The following PCBP3 variants were observed in gnomAD, a reference collection of about 807,000 sequenced individuals.
PCBP3 encodes the protein poly(rC) binding protein 3, also known as poly(rC)-binding protein 3.
Under a neutral mutation model 52.7 loss-of-function variants are expected in PCBP3, and 25 were observed. The observed-to-expected ratio is 0.47, with a 90% CI of 0.35 to 0.66. PCBP3 has a LOEUF of 0.66. PCBP3 is among the 30% of genes least tolerant of loss of function. The pLI is 0.01. For synonymous variants in PCBP3, 162 were observed against 183.0 expected (o/e 0.89, Z 0.93); for missense variants, 391 against 490.3 (o/e 0.80, Z 1.91).
intron 13 of PCBP3, among the ~76,000 whole-genome samples, chr21:45,929,415 AG>A (rs2075886022): frequency 6.6e-6 from 1 of 152,200 alleles, no homozygotes; most frequent in African/African-American, 2.4e-5. Flanking sequence ...AAGGCCCTGC[AG>A]GGGAGGGGAG....
intron 9 of PCBP3, among the ~76,000 whole-genome samples, chr21:45,907,994 A>ATT (rs1240351873): frequency 2.0e-5 from 3 of 152,310 alleles, no homozygotes; most frequent in African/African-American, 7.2e-5. Flanking sequence ...CTATTTTTAA[A>ATT]TGAGAAGTTC....
intron 4 of PCBP3, among the ~76,000 whole-genome samples, chr21:45,767,244 A>G (rs900275763): frequency 6.6e-6 from 1 of 150,608 alleles, no homozygotes; most frequent in African/African-American, 2.4e-5. Context: ...CCTGGCAGCC[A>G]CTAGTCTAAT....
At chr21:45,812,657 G>T (rs894329244) in intron 4 of PCBP3, among the ~76,000 whole-genome samples, 2 of 152,210 alleles carry the variant, frequency 1.3e-5, no homozygotes, top group African/African-American at 4.8e-5. Flanking sequence ...CTCCCAAAGT[G>T]CTGGGATTAC....
At chr21:45,826,579 A>C (rs190589554) in intron 4 of PCBP3, among the ~76,000 whole-genome samples, 1 of 152,164 alleles carries the variant, frequency 6.6e-6, no homozygotes, top group Non-Finnish European at 1.5e-5. Context: ...CCCACCAGGC[A>C]TGACAAAGGT....
intron 3 of PCBP3, among the ~76,000 whole-genome samples, chr21:45,748,436 C>G (rs952651640): frequency 6.6e-6 from 1 of 152,222 alleles, no homozygotes; most frequent in Non-Finnish European, 1.5e-5. Context: ...GAGCACTGAG[C>G]TAGGCTGAGG....
rs983430090 is a variant in PCBP3 at position 45,805,974 on chromosome 21, G to T, written c.-125-43987G>T. On this transcript the variant is annotated intron_variant, in intron 4 of 17. Transcript: ENST00000681687. The surrounding 1 kb of genome is among the most constrained non-coding windows in gnomAD (Gnocchi z 4.6). Reference sequence around the variant, plus strand: ...GTTCCCATTGCATGAGAAGATGGAGGAGCCTCCTTGTGCTGCTGTGTCTCA... The same window carrying T: ...GTTCCCATTGCATGAGAAGATGGAGTAGCCTCCTTGTGCTGCTGTGTCTCA... Among the ~76,000 whole-genome samples the T allele has an allele frequency of 1.3e-5, 2 of 152,188 alleles. No homozygotes were observed. The highest frequency in any genetic ancestry group is 4.8e-5 in the African/African-American group (2 of 41,440).
In PCBP3 at chr21:45,817,312, T is replaced by C. The variant is rs1056032090; in HGVS notation, c.-125-32649T>C. On this transcript the variant is annotated intron_variant, in intron 4 of 17. Transcript: ENST00000681687. This position sits in a 1 kb window ranked among gnomAD's most constrained non-coding sequence, Gnocchi z 4.3. Reference sequence around the variant, plus strand: ...CTGAGTGAGGGGCCTCCACTGTGGCTGTGAGCAGTCCCCGCCTCGTGGTAC... The same window carrying C: ...CTGAGTGAGGGGCCTCCACTGTGGCCGTGAGCAGTCCCCGCCTCGTGGTAC... Among the ~76,000 whole-genome samples, 1 of 152,232 alleles carries C rather than the reference T, an allele frequency of 6.6e-6. No homozygotes were observed. The highest frequency in any genetic ancestry group is 1.5e-5 in the Non-Finnish European group (1 of 68,034).
Position 45,667,850 on chromosome 21 carries a change from A to G in PCBP3, c.-278-1024A>G, listed in dbSNP as rs565679689. On this transcript the variant is annotated intron_variant, in intron 1 of 17. Transcript: ENST00000681687. The stretch of plus-strand genomic sequence containing the variant: ...TGTTGTTGTTGCTGCTGCTTGTTAT[A>G]GTAGTTTCTGTTCATTTGTTTATGT... Among the ~76,000 whole-genome samples the G allele has an allele frequency of 5.3e-5, 8 of 152,196 alleles. No individual in the cohort carries two copies. The South Asian group carries it at 1.7e-3, about 32-fold the overall frequency.
intron 5 of PCBP3, among the ~76,000 whole-genome samples, chr21:45,876,110 G>A (rs1416938845): frequency 1.3e-5 from 2 of 152,182 alleles, no homozygotes; most frequent in Non-Finnish European, 2.9e-5. Context: ...CTGAGATGTT[G>A]TGTGCAGCAC....
chr21:45,868,797 C>G (rs2148586712), intron 5 of PCBP3, among the ~76,000 whole-genome samples: 1 of 152,338 alleles, frequency 6.6e-6, no homozygotes, highest in South Asian at 2.1e-4. Context: ...GGGAAGGGAG[C>G]CATGGCGGAC....
chr21:45,705,972 G>A (rs1019227061), intron 2 of PCBP3, among the ~76,000 whole-genome samples: 2 of 152,210 alleles, frequency 1.3e-5, no homozygotes, highest in African/African-American at 4.8e-5. Flanking sequence ...GTTTATGTCA[G>A]TGTGAAAGTC....
At chr21:45,876,269 A>G (rs1488094969) in intron 5 of PCBP3, among the ~76,000 whole-genome samples, 3 of 152,174 alleles carry the variant, frequency 2.0e-5, no homozygotes, top group African/African-American at 7.2e-5. Context: ...GATATTACGA[A>G]TCCCGAAATG....
intron 1 of PCBP3, among the ~76,000 whole-genome samples, chr21:45,646,107 C>CTCTCTCTCTCTCTCTCTCTCTCTGTG (rs1555895746): frequency 1.2e-5 from 1 of 83,782 alleles, no homozygotes; most frequent in Non-Finnish European, 2.3e-5. Flanking sequence ...CTCTCTCTCT[C>CTCTCTCTCTCTCTCTCTCTCTCTGTG]TGTGTGTGTG....
At chr21:45,726,260 C>T (rs1342529462) in intron 2 of PCBP3, among the ~76,000 whole-genome samples, 3 of 151,826 alleles carry the variant, frequency 2.0e-5, no homozygotes, top group Non-Finnish European at 4.4e-5. Context: ...GCCAGGTAGG[C>T]AGTGGATATG....
At chr21:45,892,316 A>G (rs2095687616) in intron 5 of PCBP3, among the ~76,000 whole-genome samples, 1 of 152,240 alleles carries the variant, frequency 6.6e-6, no homozygotes, top group Non-Finnish European at 1.5e-5. Context: ...TACAAGGGTC[A>G]TGAACTAAGA....
intron 5 of PCBP3, among the ~76,000 whole-genome samples, chr21:45,886,786 A>T (rs2095535093): frequency 6.6e-6 from 1 of 152,300 alleles, no homozygotes; most frequent in African/African-American, 2.4e-5. Flanking sequence ...GCCTCCACTG[A>T]CACCAGGGGG....
At chr21:45,763,483 C>T (rs2088933733) in intron 4 of PCBP3, 1 of 152,320 alleles carries the variant, frequency 6.6e-6, no homozygotes, top group Admixed American at 6.5e-5. Context: ...CTCTCACTCT[C>T]TTCTCCTAAA....
chr21:45,836,756 T>TTACA (rs376480762), intron 4 of PCBP3, among the ~76,000 whole-genome samples: 9 of 152,052 alleles, frequency 5.9e-5, no homozygotes, highest in African/African-American at 1.2e-4. Context: ...TTTTATTTTA[T>TTACA]TACACATGAT....
chr21:45,789,686 A>T (rs2091406628), intron 4 of PCBP3, among the ~76,000 whole-genome samples: 2 of 152,120 alleles, frequency 1.3e-5, no homozygotes, highest in African/African-American at 2.4e-5. Context: ...GGAGCAGGTC[A>T]TTTGTGGTCC....
Sources: gnomAD v4.1 joint callset for allele counts (sites outside exome capture counted in the v4.1 genomes callset) on GRCh38, gnomAD v4.1.1 for gene constraint, Gnocchi (gnomAD v3.1) non-coding constraint, MANE v1.5 for transcripts, NCBI Gene and HGNC (gene_info 2026-07-23, HGNC 2026-07-21) for gene names.